The following ATP5F1B variants were observed in gnomAD, a reference collection of about 807,000 sequenced individuals.
The protein encoded by ATP5F1B is ATP synthase F1 subunit beta, also known as ATP synthase F(1) complex subunit beta, mitochondrial.
In ATP5F1B, 17 loss-of-function variants were observed where a neutral mutation model predicts 45.9. The ratio of observed to expected loss-of-function variants is 0.37; its 90% confidence interval spans 0.25 to 0.56. ATP5F1B has a LOEUF of 0.56. Ranked by LOEUF, ATP5F1B falls within the 20% of genes least tolerant of loss-of-function variation. The pLI, the probability that ATP5F1B is intolerant of heterozygous loss-of-function variation, is 0.80. For missense variants in ATP5F1B, 387 were observed against 673.2 expected (o/e 0.57, Z 4.70); for synonymous variants, 218 against 256.5 (o/e 0.85, Z 1.43).
intron 1 of ATP5F1B, 81 bp downstream of exon 1, chr12:56,645,756 A>C (rs1592224764): frequency 6.4e-7 from 1 of 1,561,234 alleles, no homozygotes; most frequent in South Asian, 1.2e-5. Flanking sequence ...CGGATCCCTT[A>C]GGCCCGAGCT....
chr12:56,639,571 A>G (rs1240917457), intron 8 of ATP5F1B, among the ~76,000 whole-genome samples: 2 of 152,202 alleles, frequency 1.3e-5, no homozygotes, highest in Admixed American at 1.3e-4. Context: ...CAGGAGATCG[A>G]GACCAGCCTG....
Position 56,642,588 on chromosome 12 carries a change from A to C in ATP5F1B, c.952-8T>G, listed in dbSNP as rs752112335. On this transcript the variant is annotated splice_polypyrimidine_tract_variant and splice_region_variant and intron_variant, in intron 6 of 9. Transcript: ENST00000262030. ...GCCCAATAATGCAGACACCTAAAAG[A>C]AAAAAAGGTCTTAGGTGTCTACATC... is the stretch of plus-strand genomic sequence containing the variant. 11 of 1,613,540 alleles carry C rather than the reference A, an allele frequency of 6.8e-6. No homozygotes were observed. The highest frequency in any genetic ancestry group is 6.8e-6 in the Non-Finnish European group (8 of 1,179,758).
At position 56,645,942 on chromosome 12, in the gene ATP5F1B, C is replaced by T; in HGVS notation, c.22G>A (p.Val8Met). 1 of 1,605,386 alleles carries T rather than the reference C, an allele frequency of 6.2e-7. No individual in the cohort carries two copies. The highest frequency in any genetic ancestry group is 8.5e-7 in the Non-Finnish European group (1 of 1,176,708). ...GCCCCGGAGGCCGGAGCAGCGGCCACCCGACCCACAAACCCCAACATGGCG... is the reference window on the plus strand; with the variant it reads ...GCCCCGGAGGCCGGAGCAGCGGCCATCCGACCCACAAACCCCAACATGGCG... MLGFVGR[V>M]AAAPASGALR... Residue 8 changes from valine to methionine, a missense_variant, in exon 1 of 10, where the codon GTG (valine) becomes ATG (methionine). By Grantham distance (21) the Val-to-Met change is conservative (BLOSUM62 1). Coordinates refer to ENST00000262030, the MANE Select transcript of ATP5F1B (RefSeq NM_001686.4).
chr12:56,643,263 G>C, intron 5 of ATP5F1B, 140 bp downstream of exon 5: 4 of 714,434 alleles, frequency 5.6e-6, no homozygotes, highest in Non-Finnish European at 8.5e-6. Context: ...TCCTTTGTAG[G>C]CCCTGGGACA....
chr12:56,640,231 A>ATTT (rs201281818), intron 7 of ATP5F1B, 39 bp from the exon 8 acceptor site: 2,926 of 1,364,928 alleles, frequency 2.1e-3, no homozygotes, highest in African/African-American at 7.4e-3. Context: ...ACCAAAGTAA[A>ATTT]TTTTTTTTTT....
Position 56,645,329 on chromosome 12 carries a change from G to T in ATP5F1B, c.152C>A (p.Ser51Tyr). The change falls in exon 2 of 10, where the codon TCT (serine) becomes TAT (tyrosine). Residue 51 changes from serine (S) to tyrosine (Y), a missense_variant. Physicochemically the swap from Ser to Tyr is moderately radical, Grantham distance 144. Transcript: ENST00000262030. ...HPVRDYAAQT[S>Y]PSPKAGAATG... ...GGCGGCGCCTGCTTTTGGCGAAGGAGATGTTTGCGCCGCATAGTCCCTGAC... is the reference window on the plus strand; with the variant it reads ...GGCGGCGCCTGCTTTTGGCGAAGGATATGTTTGCGCCGCATAGTCCCTGAC... The T allele has an allele frequency of 6.2e-7, 1 of 1,614,114 alleles. No individual in the cohort carries two copies. Among genetic ancestry groups the T allele is most frequent in the Non-Finnish European group, 8.5e-7 (1 of 1,179,974 alleles).
chr12:56,645,108 G>A, intron 2 of ATP5F1B, 63 bp downstream of exon 2: 1 of 1,609,074 alleles, frequency 6.2e-7, no homozygotes. Flanking sequence ...AAGGCAGACA[G>A]CTTGGTTTTG....
rs760854189 is a variant in ATP5F1B at position 56,639,194 on chromosome 12, T to C, written c.1401A>G (p.Pro467=). ...ARKIQRFLSQ[P]FQVAEVFTGH... ...CTGTGAAGACCTCAGCAACCTGGAATGGCTGAGACAAGAAACGCTGTATTT... is the reference window on the plus strand; with the variant it reads ...CTGTGAAGACCTCAGCAACCTGGAACGGCTGAGACAAGAAACGCTGTATTT... The change falls in exon 9 of 10, where the codon CCA becomes CCG. Residue 467 remains proline, a synonymous_variant. Transcript: ENST00000262030. 6.8e-6 allele frequency: 11 copies of C among 1,613,922 alleles called. No homozygotes were observed. Among genetic ancestry groups the C allele is most frequent in the Non-Finnish European group, 9.3e-6 (11 of 1,179,858 alleles).
In ATP5F1B at chr12:56,643,495, C is replaced by CT; in HGVS notation, c.699_700insA (p.Ala234SerfsTer5). On this transcript the variant is annotated frameshift_variant, in exon 5 of 10. Transcript: ENST00000262030. LOFTEE classifies it high-confidence loss of function. Reference sequence around the variant, plus strand: ...TCACGGGTCCTCTCACCAACACCAGCAAACACAGAGTAACCACCATGGGCT... The same window carrying CT: ...TCACGGGTCCTCTCACCAACACCAGCTAAACACAGAGTAACCACCATGGGCT... 1 of 1,614,138 alleles carries CT rather than the reference C, an allele frequency of 6.2e-7. No individual in the cohort carries two copies. The highest frequency in any genetic ancestry group is 8.5e-7 in the Non-Finnish European group (1 of 1,180,030).
At chr12:56,644,608 T>C (rs887961847) in intron 3 of ATP5F1B, among the ~76,000 whole-genome samples, 173 bp downstream of exon 3, 6 of 152,162 alleles carry the variant, frequency 3.9e-5, no homozygotes, top group Admixed American at 3.9e-4. Context: ...AGTAGGCTTT[T>C]GTCAATCAGA....
Position 56,642,598 on chromosome 12 carries a change from CTT to C in ATP5F1B, c.952-20_952-19del. ...GCAGACACCTAAAAGAAAAAAAGGT[CTT>C]AGGTGTCTACATCCTTAGCCTCATC... is the stretch of plus-strand genomic sequence containing the variant. On this transcript the variant is annotated intron_variant, in intron 6 of 9. Transcript: ENST00000262030. 1 of 1,614,056 alleles carries C rather than the reference CTT, an allele frequency of 6.2e-7. No individual in the cohort carries two copies. Among genetic ancestry groups the C allele is most frequent in the Non-Finnish European group, 8.5e-7 (1 of 1,179,982 alleles).
chr12:56,639,269 A>G lies in ATP5F1B; in HGVS notation c.1326T>C (p.Gly442=). The change falls in exon 9 of 10, where the codon GGT becomes GGC. Residue 442 remains glycine (G), a synonymous_variant. Transcript: ENST00000262030. Reference sequence around the variant, plus strand: ...TGTCTTCCTCAGAAAGTTCATCCATACCCAGGATGGCAATGATATCCTGGA... The same window carrying G: ...TGTCTTCCTCAGAAAGTTCATCCATGCCCAGGATGGCAATGATATCCTGGA... ...KSLQDIIAIL[G]MDELSEEDKL... is the part of the protein sequence containing the mutation. 6.2e-7 allele frequency: 1 copy of G among 1,614,006 alleles called. No individual in the cohort carries two copies. Among genetic ancestry groups the G allele is most frequent in the Non-Finnish European group, 8.5e-7 (1 of 1,180,020 alleles).
intron 8 of ATP5F1B, 108 bp downstream of exon 8, chr12:56,639,872 T>C (rs1951499135): frequency 8.2e-7 from 1 of 1,222,330 alleles, no homozygotes; most frequent in Admixed American, 2.2e-5. Context: ...CAGCCTCAAC[T>C]TTCCTTGCTC....
At position 56,645,248 on chromosome 12, in the gene ATP5F1B, C is replaced by A; in HGVS notation, c.233G>T (p.Gly78Val). ...CAGGGCATTTAGAATTGGTGGTAGT[C>A]CCTCATCAAACTGGACGTCCACCAC... ...GAVVDVQFDE[G>V]LPPILNALEV... Residue 78 changes from glycine (G) to valine (V), a missense_variant, in exon 2 of 10, where the codon GGA becomes GTA. By Grantham distance (109) the Gly-to-Val change is moderately radical. Coordinates refer to ENST00000262030, the MANE Select transcript of ATP5F1B (RefSeq NM_001686.4). 1 of 1,614,240 alleles carries A rather than the reference C, an allele frequency of 6.2e-7. No homozygotes were observed. Among genetic ancestry groups the A allele is most frequent in the South Asian group, 1.1e-5 (1 of 91,090 alleles).
At chr12:56,644,408 C>T (rs1405434479) in intron 3 of ATP5F1B, among the ~76,000 whole-genome samples, 1 of 151,812 alleles carries the variant, frequency 6.6e-6, no homozygotes, top group Non-Finnish European at 1.5e-5. Context: ...ATCAGGAGTT[C>T]GAGACCAGCC....
chr12:56,642,382 C>G, intron 7 of ATP5F1B, 76 bp downstream of exon 7: 1 of 1,585,218 alleles, frequency 6.3e-7, no homozygotes. Flanking sequence ...CTGCCTCAGC[C>G]TCCTCAGTAG....
At chr12:56,639,564 G>C in intron 8 of ATP5F1B, 2 of 499,010 alleles carry the variant, frequency 4.0e-6, no homozygotes, top group South Asian at 4.2e-5. Flanking sequence ...ATGAGGTCAG[G>C]AGATCGAGAC....
intron 3 of ATP5F1B, 81 bp downstream of exon 3, chr12:56,644,700 T>C: frequency 6.9e-7 from 1 of 1,453,542 alleles, no homozygotes; most frequent in Non-Finnish European, 9.3e-7. Context: ...AATTCTGCTT[T>C]AGGAGAACAT....
chr12:56,642,173 C>G (rs1420860660), intron 7 of ATP5F1B, among the ~76,000 whole-genome samples: 1 of 151,540 alleles, frequency 6.6e-6, no homozygotes, highest in Non-Finnish European at 1.5e-5. Context: ...TTTTTTGTAT[C>G]TTTAGTAGAG....
Sources: gnomAD v4.1 joint callset for allele counts (sites outside exome capture counted in the v4.1 genomes callset) on GRCh38, gnomAD v4.1.1 for gene constraint, MANE v1.5 for transcripts, NCBI Gene and HGNC (gene_info 2026-07-23, HGNC 2026-07-21) for gene names.